The following DNAJC7 variants were observed in gnomAD, a reference collection of about 807,000 sequenced individuals.
DNAJC7 encodes DnaJ heat shock protein family (Hsp40) member C7.
In DNAJC7, 18 loss-of-function variants were observed where a neutral mutation model predicts 67.4. That is an observed-to-expected ratio of 0.27 (90% CI 0.18 to 0.40). DNAJC7 has a LOEUF of 0.40. Among genes scored for constraint, DNAJC7 ranks in the 10% least tolerant of loss-of-function variants. The pLI is 1.00. For synonymous variants in DNAJC7, 220 were observed against 207.8 expected (o/e 1.06, Z -0.50); for missense variants, 419 against 613.8 (o/e 0.68, Z 3.35).
At chr17:41,994,162 C>T (rs1555648224) in intron 5 of DNAJC7, among the ~76,000 whole-genome samples, 1 of 151,768 alleles carries the variant, frequency 6.6e-6, no homozygotes, top group East Asian at 1.9e-4. Flanking sequence ...ATGGTGAAAC[C>T]CCATCTCTAC....
rs532671126 is a variant in DNAJC7 at position 42,017,363 on chromosome 17, C to A, written c.54G>T (p.Leu18=). Residue 18 remains leucine, a synonymous_variant, in exon 1 of 14, where the codon CTG becomes CTT. Transcript: ENST00000457167. ...DVVMAATEPE[L]LDDQEAKREA... ...ACCTCTTCGCCTCTTGGTCGTCGAG[C>A]AGCTCCGGCTCGGTCGCCGCCATTA... 1 of 1,611,250 alleles carries A rather than the reference C, an allele frequency of 6.2e-7. No homozygotes were observed. The highest frequency in any genetic ancestry group is 2.2e-5 in the East Asian group (1 of 44,890).
intron 9 of DNAJC7, among the ~76,000 whole-genome samples, chr17:41,987,241 T>G (rs1275692191): frequency 6.6e-6 from 1 of 151,736 alleles, no homozygotes; most frequent in Non-Finnish European, 1.5e-5. Context: ...AGACACAGAG[T>G]GCCCTCCACT....
In DNAJC7 at chr17:42,003,876, T is replaced by C. The variant is rs1416436051; in HGVS notation, c.78-3306A>G. On this transcript the variant is annotated intron_variant, in intron 1 of 13. Transcript: ENST00000457167. ...ATAGACTTGGCCATAACTGACCTGATGGTACTATTAACAACTACAATATAT... is the reference window on the plus strand; with the variant it reads ...ATAGACTTGGCCATAACTGACCTGACGGTACTATTAACAACTACAATATAT... 3.3e-5 allele frequency among the ~76,000 whole-genome samples: 5 copies of C among 151,676 alleles called. No individual in the cohort carries two copies. In the East Asian group the frequency reaches 7.7e-4, roughly 23 times the overall value.
At chr17:41,987,019 T>TA (rs1567957578) in intron 9 of DNAJC7, among the ~76,000 whole-genome samples, 1 of 152,196 alleles carries the variant, frequency 6.6e-6, no homozygotes, top group African/African-American at 2.4e-5. Context: ...CTAAGAACTT[T>TA]AAAGACGGGA....
chr17:41,976,969 C>G, intron 13 of DNAJC7, 199 bp from the exon 14 acceptor site: 1 of 671,690 alleles, frequency 1.5e-6, no homozygotes, highest in Non-Finnish European at 2.5e-6. Flanking sequence ...CTTCTGACCT[C>G]AGCATTATCT....
Position 41,977,589 on chromosome 17 carries a change from T to C in DNAJC7, c.1385-266A>G, listed in dbSNP as rs921605358. On this transcript the variant is annotated intron_variant, in intron 12 of 13. Transcript: ENST00000457167. Reference sequence around the variant, plus strand: ...CTTTCTCTGCTTCAGCTTGCTTCATTGGGCTGTTTTCTCAACAAATGGAAT... The same window carrying C: ...CTTTCTCTGCTTCAGCTTGCTTCATCGGGCTGTTTTCTCAACAAATGGAAT... 1.5e-5 allele frequency: 5 copies of C among 338,344 alleles called. No individual in the cohort carries two copies. The South Asian group carries it at 2.1e-4, about 14-fold the overall frequency. The allele number at this position is 338,344 out of a possible 1,614,324, so 21.0% of individuals were successfully genotyped here. A position where few individuals can be genotyped will look rare whatever the true frequency, so the allele number is the denominator to read the frequency against.
intron 2 of DNAJC7, 113 bp downstream of exon 2, chr17:42,000,369 T>C (rs1254209103): frequency 4.2e-6 from 3 of 718,952 alleles, no homozygotes; most frequent in South Asian, 3.8e-5. Flanking sequence ...TCCTCCTGCT[T>C]TGGCCTCCCA....
In DNAJC7 at chr17:42,006,796, C is replaced by CAAAAAAAAAAAAAA. The variant is rs57155070; in HGVS notation, c.78-6240_78-6227dup. On this transcript the variant is annotated intron_variant, in intron 1 of 13. Coordinates refer to ENST00000457167, the MANE Select transcript of DNAJC7 (RefSeq NM_003315.4). ...TGGGCAACAGAGCAAGACTCCGTCT[C>CAAAAAAAAAAAAAA]AAAAAAAAAAAAAAAAAAAAAAGTC... Among the ~76,000 whole-genome samples, 185 of 23,332 alleles carry CAAAAAAAAAAAAAA rather than the reference C, an allele frequency of 7.9e-3. 67 individuals carry two copies. The highest frequency in any genetic ancestry group is 0.038 in the Middle Eastern group (1 of 26). 15.3% of individuals were successfully genotyped at this position (23,332 alleles called of 152,430 possible).
At chr17:41,978,627 A>G (rs532067210) in intron 12 of DNAJC7, among the ~76,000 whole-genome samples, 104 of 152,330 alleles carry the variant, frequency 6.8e-4, no homozygotes, top group African/African-American at 2.5e-3. Flanking sequence ...TGGGAGGCCA[A>G]GGTGGGTGGA....
Position 41,989,445 on chromosome 17 carries a change from TG to T in DNAJC7, c.711del (p.Arg238GlyfsTer37). The T allele has an allele frequency of 6.2e-7, 1 of 1,614,052 alleles. No homozygotes were observed. The highest frequency in any genetic ancestry group is 8.5e-7 in the Non-Finnish European group (1 of 1,179,882). On this transcript the variant is annotated frameshift_variant, in exon 7 of 14. Coordinates refer to ENST00000457167, the MANE Select transcript of DNAJC7 (RefSeq NM_003315.4). LOFTEE classifies it high-confidence loss of function. ...EKAVQFFVQA[L>X]RMAPDHEKAC... ...GCCTTCTCGTGGTCAGGAGCCATCC[TG>T]AGAGCCTGTACGAAAAACTGAACTG...
chr17:41,995,048 C>A, intron 4 of DNAJC7, 104 bp from the exon 5 acceptor site: 1 of 930,262 alleles, frequency 1.1e-6, no homozygotes, highest in South Asian at 1.4e-5. Flanking sequence ...AGTAAATATA[C>A]CACACTGCCT....
intron 10 of DNAJC7, among the ~76,000 whole-genome samples, chr17:41,983,263 T>A (rs2051296132): frequency 6.6e-6 from 1 of 152,158 alleles, no homozygotes. Flanking sequence ...TGGCTGGGAT[T>A]ACAGGCGTAT....
rs1005228594 is a variant in DNAJC7 at position 42,017,402 on chromosome 17, C to T, written c.15G>A (p.Ala5=). The part of the protein sequence containing the change: MAAA[A]ECDVVMAATE... The stretch of plus-strand genomic sequence containing the variant: ...TCGCCGCCATTACCACATCGCACTC[C>T]GCGGCAGCCGCCATCTTACCGCCGG... Residue 5 remains alanine (A), a synonymous_variant, in exon 1 of 14, where the codon GCG becomes GCA. Coordinates refer to ENST00000457167, the MANE Select transcript of DNAJC7 (RefSeq NM_003315.4). 1.2e-6 allele frequency: 2 copies of T among 1,608,550 alleles called. No individual in the cohort carries two copies. Among genetic ancestry groups the T allele is most frequent in the Non-Finnish European group, 1.7e-6 (2 of 1,179,860 alleles).
chr17:41,979,787 C>G (rs8067085), intron 12 of DNAJC7, among the ~76,000 whole-genome samples: 119,805 of 151,062 alleles, frequency 0.79, 48,180 homozygotes, highest in Admixed American at 0.87. Context: ...ATGGTAAAAC[C>G]CCGTCTCTAC....
At chr17:41,978,894 C>T (rs1303937398) in intron 12 of DNAJC7, among the ~76,000 whole-genome samples, 1 of 151,474 alleles carries the variant, frequency 6.6e-6, no homozygotes, top group Non-Finnish European at 1.5e-5. Flanking sequence ...CAAAACAAAA[C>T]CTCTTCACTA....
intron 2 of DNAJC7, among the ~76,000 whole-genome samples, chr17:41,998,394 A>G (rs2051717991): frequency 6.6e-6 from 1 of 152,084 alleles, no homozygotes; most frequent in Non-Finnish European, 1.5e-5. Context: ...ATCGCTTGAA[A>G]CTAGGAGGTG....
chr17:41,998,672 A>G (rs1242988532), intron 2 of DNAJC7, among the ~76,000 whole-genome samples: 5 of 152,224 alleles, frequency 3.3e-5, no homozygotes, highest in Non-Finnish European at 7.3e-5. Context: ...GAGCTGGGGT[A>G]AGCAAATTAG....
At chr17:42,001,010 A>C (rs2051794195) in intron 1 of DNAJC7, 1 of 152,810 alleles carries the variant, frequency 6.5e-6, no homozygotes, top group African/African-American at 2.4e-5. Flanking sequence ...GAAATAGGTC[A>C]CATCCTCAAG....
intron 5 of DNAJC7, among the ~76,000 whole-genome samples, chr17:41,993,009 A>T (rs1206365522): frequency 6.6e-6 from 1 of 152,250 alleles, no homozygotes. Flanking sequence ...CTTATGAATT[A>T]CATTACAAAG....
Sources: gnomAD v4.1 joint callset for allele counts (sites outside exome capture counted in the v4.1 genomes callset) on GRCh38, gnomAD v4.1.1 for gene constraint, MANE v1.5 for transcripts, NCBI Gene and HGNC (gene_info 2026-07-23, HGNC 2026-07-21) for gene names.